MTRR: variants seen among roughly 807,000 people sequenced by gnomAD.
MTRR encodes the protein methionine synthase reductase.
MTRR carries 63 observed loss-of-function variants against 79.2 expected under a neutral mutation model. The ratio of observed to expected loss-of-function variants is 0.80; its 90% CI spans 0.65 to 0.98. MTRR has a LOEUF of 0.98. Ranked by LOEUF, MTRR falls within the 50% of genes least tolerant of loss-of-function variation. The pLI is 0.00. For missense variants in MTRR, 895 were observed against 839.6 expected (o/e 1.07, Z -0.82); for synonymous variants, 355 against 313.3 (o/e 1.13, Z -1.41).
At chr5:7,869,070 G>A (rs1182239347), upstream of MTRR, 5 of 1,580,448 alleles carry the variant, frequency 3.2e-6, no homozygotes, top group East Asian at 9.0e-5. Context: ...GCACGACTCA[G>A]GGCGGCGCAA....
chr5:7,887,793 CAT>C (rs372829698), intron 8 of MTRR, among the ~76,000 whole-genome samples: 6,194 of 91,416 alleles, frequency 0.068, 214 homozygotes, highest in Middle Eastern at 0.083. Flanking sequence ...TGTGTGTGTG[CAT>C]ATATATATAT....
chr5:7,875,300 A>C lies in MTRR; in HGVS notation c.326A>C (p.Lys109Thr), dbSNP rs751657876. Residue 109 changes from lysine to threonine, a missense_variant, in exon 4 of 15, where the codon AAG (lysine) becomes ACG (threonine). Physicochemically the swap from Lys to Thr is moderately conservative, Grantham distance 78. Coordinates refer to ENST00000440940, the MANE Select transcript of MTRR (RefSeq NM_002454.3). The part of the protein sequence containing the change: ...SEYTYFCNGG[K>T]IIDKRLQELG... ...TACACCTACTTTTGCAATGGGGGGA[A>C]GATAATTGATAAACGACTTCAAGAG... 1.2e-6 allele frequency: 2 copies of C among 1,614,036 alleles called. No homozygotes were observed. Among genetic ancestry groups the C allele is most frequent in the Admixed American group, 1.7e-5 (1 of 60,022 alleles).
chr5:7,868,150 A>G, upstream of MTRR: 3 of 979,460 alleles, frequency 3.1e-6, no homozygotes, highest in Non-Finnish European at 4.4e-6. Flanking sequence ...ATACATTGAG[A>G]ACATGATTGA....
At chr5:7,885,901 C>T (rs778954419) in intron 7 of MTRR, 47 bp downstream of exon 7, 2 of 1,612,262 alleles carry the variant, frequency 1.2e-6, no homozygotes, top group Non-Finnish European at 8.5e-7. Context: ...GGCCAGTGGA[C>T]TGGAGCTGAT....
At chr5:7,867,767 A>G, upstream of MTRR, 10 of 1,614,236 alleles carry the variant, frequency 6.2e-6, no homozygotes, top group Non-Finnish European at 8.5e-6. Context: ...CAAGTTGCTC[A>G]GTCTCCTGTA....
upstream of MTRR, chr5:7,868,834 A>G: frequency 1.9e-6 from 1 of 513,784 alleles, no homozygotes. Flanking sequence ...AATGAAAGGG[A>G]CCCGCGGGGC....
chr5:7,872,347 A>G, intron 2 of MTRR: 1 of 363,018 alleles, frequency 2.8e-6, no homozygotes, highest in Non-Finnish European at 5.3e-6. Context: ...TTAAATTTAC[A>G]CGAGAGTAAG....
rs1033943914 is a variant in MTRR at position 7,892,713 on chromosome 5, G to A, written c.1371-14G>A. The stretch of plus-strand genomic sequence containing the variant: ...CTGATATCGAGTTCAAAACTTGTCT[G>A]TGTATCTTTGCAGCTCAAGTTTATT... On this transcript the variant is annotated splice_polypyrimidine_tract_variant and intron_variant, in intron 10 of 14. Transcript: ENST00000440940. 3 of 1,613,974 alleles carry A rather than the reference G, an allele frequency of 1.9e-6. No homozygotes were observed. Among genetic ancestry groups the A allele is most frequent in the Non-Finnish European group, 2.5e-6 (3 of 1,179,964 alleles).
intron 1 of MTRR, among the ~76,000 whole-genome samples, chr5:7,855,160 C>G (rs998645932): frequency 2.6e-5 from 4 of 152,210 alleles, no homozygotes; most frequent in South Asian, 2.1e-4. Context: ...GTGGTAGAAT[C>G]TCTAAAAGTC....
intron 1 of MTRR, chr5:7,861,484 G>T: frequency 2.3e-6 from 2 of 864,864 alleles, no homozygotes; most frequent in Non-Finnish European, 3.3e-6. Context: ...TTAATTTCCA[G>T]AATCATATCT....
intron 6 of MTRR, among the ~76,000 whole-genome samples, chr5:7,884,157 C>T (rs1248511613): frequency 6.6e-6 from 1 of 152,066 alleles, no homozygotes; most frequent in Non-Finnish European, 1.5e-5. Flanking sequence ...GAGTGAGACC[C>T]TGCCTCAATT....
intron 2 of MTRR, chr5:7,862,828 G>A: frequency 6.2e-7 from 1 of 1,611,434 alleles, no homozygotes; most frequent in Admixed American, 1.7e-5. Context: ...CTTACCTATT[G>A]TATAACAATA....
intron 1 of MTRR, chr5:7,861,134 T>C: frequency 6.7e-7 from 1 of 1,487,474 alleles, no homozygotes; most frequent in Non-Finnish European, 9.2e-7. Flanking sequence ...ACAAAAAAAA[T>C]AGGTGAAACC....
At chr5:7,880,016 C>T (rs977779064) in intron 5 of MTRR, among the ~76,000 whole-genome samples, 6 of 152,230 alleles carry the variant, frequency 3.9e-5, no homozygotes, top group African/African-American at 1.4e-4. Flanking sequence ...TTCTGCTTCT[C>T]TCTAGAAGTG....
chr5:7,851,065 G>A (rs1287135658), upstream of MTRR: 2 of 1,235,738 alleles, frequency 1.6e-6, no homozygotes, highest in Admixed American at 4.2e-5. Context: ...GGTCCGTCCC[G>A]CCCGCCCAGG....
rs62342557 is a variant in MTRR, at chr5:7,899,737, T to C, written c.1953-177T>C. ...CAGCTCTGTCTCCTAGAACAGTCAC[T>C]GTAGGCAAAGGCCTGGCCTGGGCAT... On this transcript the variant is annotated intron_variant, in intron 14 of 14. Coordinates refer to ENST00000440940, the MANE Select transcript of MTRR (RefSeq NM_002454.3). Among the ~76,000 whole-genome samples, 46,483 of 152,086 alleles carry C rather than the reference T, an allele frequency of 0.31. 7,569 individuals are homozygous for C. Among genetic ancestry groups the C allele is most frequent in the Middle Eastern group, 0.44 (130 of 294 alleles).
intron 11 of MTRR, among the ~76,000 whole-genome samples, chr5:7,894,771 G>T (rs1247625019): frequency 1.3e-5 from 2 of 152,210 alleles, no homozygotes; most frequent in Non-Finnish European, 2.9e-5. Flanking sequence ...TAATGTGTAT[G>T]TTTATTTTCT....
At chr5:7,885,512 G>GA (rs1025614648) in intron 6 of MTRR, among the ~76,000 whole-genome samples, 189 bp from the exon 7 acceptor site, 2 of 151,540 alleles carry the variant, frequency 1.3e-5, no homozygotes, top group African/African-American at 4.8e-5. Flanking sequence ...TGCTAATAAT[G>GA]AAAGTATGTT....
At chr5:7,850,859 A>G, upstream of MTRR, 1 of 1,293,610 alleles carries the variant, frequency 7.7e-7, no homozygotes, top group South Asian at 3.3e-5. Flanking sequence ...CTCCGCGCCC[A>G]GTCCGCGGTC....
Sources: allele counts gnomAD v4.1 joint callset (sites outside exome capture counted in the v4.1 genomes callset), GRCh38; gene constraint gnomAD v4.1.1; transcripts MANE v1.5; gene names NCBI Gene and HGNC (gene_info 2026-07-23, HGNC 2026-07-21).